The following SPIDR variants were observed in gnomAD, a reference collection of about 807,000 sequenced individuals.
The protein encoded by SPIDR is scaffold protein involved in DNA repair, also known as DNA repair-scaffolding protein.
SPIDR carries 93 observed loss-of-function variants against 104.6 expected under a neutral mutation model. The ratio of observed to expected loss-of-function variants is 0.89; its 90% CI spans 0.75 to 1.06. The LOEUF is 1.06. SPIDR is among the 50% of genes least tolerant of loss of function. The pLI, the probability that SPIDR is intolerant of heterozygous loss-of-function variation, is 0.00. For synonymous variants in SPIDR, 431 were observed against 416.9 expected, an observed-to-expected ratio of 1.03 and a Z score of -0.41; for missense variants, 1,154 against 1,111.2, an observed-to-expected ratio of 1.04 and a Z score of -0.55.
chr8:47,489,404 T>C (rs566985869), intron 8 of SPIDR, among the ~76,000 whole-genome samples: 1 of 152,274 alleles, frequency 6.6e-6, no homozygotes, highest in African/African-American at 2.4e-5. Context: ...GAAGAATCAA[T>C]ATTGGGAAAA....
intron 11 of SPIDR, among the ~76,000 whole-genome samples, chr8:47,695,450 C>G (rs1216435977): frequency 6.6e-6 from 1 of 152,118 alleles, no homozygotes; most frequent in Non-Finnish European, 1.5e-5. Flanking sequence ...GTTATCTTCC[C>G]GTTTTCTGTT....
intron 10 of SPIDR, among the ~76,000 whole-genome samples, chr8:47,626,041 T>C (rs904653503): frequency 6.6e-6 from 1 of 152,054 alleles, no homozygotes; most frequent in Non-Finnish European, 1.5e-5. Context: ...AAAACAGAGA[T>C]ATAGACCAAT....
chr8:47,635,174 T>TA lies in SPIDR; in HGVS notation c.1544+35990dup, dbSNP rs879796915. Reference sequence around the variant, plus strand: ...AACATGGTGAAACCCTGTCTCTACTTAAAAAAAAAAAATACAAAAATTAGC... The same window carrying TA: ...AACATGGTGAAACCCTGTCTCTACTTAAAAAAAAAAAAATACAAAAATTAGC... On this transcript the variant is annotated intron_variant, in intron 10 of 19. Coordinates refer to ENST00000297423, the MANE Select transcript of SPIDR (RefSeq NM_001080394.4). 5.5e-3 allele frequency among the ~76,000 whole-genome samples: 800 copies of TA among 144,202 alleles called. 6 individuals carry two copies. The highest frequency in any genetic ancestry group is 0.033 in the East Asian group (162 of 4,982). The allele number at this position is 144,202 out of a possible 152,430, so 94.6% of individuals were successfully genotyped here.
At chr8:47,297,070 C>A (rs2040979747) in intron 5 of SPIDR, among the ~76,000 whole-genome samples, 1 of 152,134 alleles carries the variant, frequency 6.6e-6, no homozygotes, top group Non-Finnish European at 1.5e-5. Flanking sequence ...GATTTTGTAT[C>A]CTGCAACTTT....
intron 5 of SPIDR, among the ~76,000 whole-genome samples, chr8:47,368,539 A>C (rs1314873512): frequency 6.6e-6 from 1 of 152,050 alleles, no homozygotes; most frequent in African/African-American, 2.4e-5. Flanking sequence ...TGTGGTCTTG[A>C]TGAGACAAGA....
intron 11 of SPIDR, among the ~76,000 whole-genome samples, chr8:47,696,858 G>A (rs1484486794): frequency 6.6e-6 from 1 of 152,230 alleles, no homozygotes; most frequent in Non-Finnish European, 1.5e-5. Context: ...CGTGGAAGGT[G>A]GACAGTGTCC....
At chr8:47,512,511 G>C (rs2082493777) in intron 8 of SPIDR, among the ~76,000 whole-genome samples, 1 of 152,206 alleles carries the variant, frequency 6.6e-6, no homozygotes, top group Admixed American at 6.5e-5. Flanking sequence ...AGCATAACAT[G>C]AAGGAGGTTT....
At chr8:47,702,491 C>G (rs1432306116) in intron 14 of SPIDR, among the ~76,000 whole-genome samples, 1 of 152,140 alleles carries the variant, frequency 6.6e-6, no homozygotes, top group Non-Finnish European at 1.5e-5. Flanking sequence ...ACTGAAAGCC[C>G]CCCCATCCCA....
At chr8:47,284,302 C>G (rs1343249224) in intron 3 of SPIDR, among the ~76,000 whole-genome samples, 2 of 152,180 alleles carry the variant, frequency 1.3e-5, no homozygotes, top group East Asian at 1.9e-4. Flanking sequence ...TCCTGCCTGC[C>G]TACAGATAAC....
At chr8:47,432,649 C>T (rs1385529049) in intron 7 of SPIDR, among the ~76,000 whole-genome samples, 3 of 152,124 alleles carry the variant, frequency 2.0e-5, no homozygotes, top group African/African-American at 7.2e-5. Context: ...GAGTCATGCC[C>T]AGGGAGAAAC....
chr8:47,560,260 A>G (rs1020459118), intron 8 of SPIDR, among the ~76,000 whole-genome samples: 4 of 152,196 alleles, frequency 2.6e-5, no homozygotes, highest in Admixed American at 2.0e-4. Flanking sequence ...CTTTTCCAAT[A>G]TCACTTTCAC....
chr8:47,397,948 G>A (rs558030769), intron 6 of SPIDR, among the ~76,000 whole-genome samples: 20 of 152,234 alleles, frequency 1.3e-4, no homozygotes, highest in African/African-American at 4.8e-4. Flanking sequence ...AAGGAAGGTG[G>A]AGAGGAGAGC....
rs948230350 is a variant in SPIDR at position 47,546,859 on chromosome 8, G to A, written c.1098-48952G>A. On this transcript the variant is annotated intron_variant, in intron 8 of 19. Transcript: ENST00000297423. ...TGTCTCCGTCTTCAGCAATGGTGAG[G>A]CGTATACGTTTCCTCAGGGAAGAGA... The A allele has an allele frequency of 1.3e-5, 5 of 385,688 alleles. No individual in the cohort carries two copies. The Admixed American group carries it at 1.6e-4, about 13-fold the overall frequency. The allele number at this position is 385,688 out of a possible 1,614,324, so 23.9% of individuals were successfully genotyped here.
intron 5 of SPIDR, among the ~76,000 whole-genome samples, chr8:47,343,695 T>G (rs1587366558): frequency 1.3e-5 from 2 of 152,278 alleles, no homozygotes; most frequent in South Asian, 2.1e-4. Context: ...GGCTAAAGTG[T>G]GGAAGGACAT....
chr8:47,529,401 G>A (rs1408128393), intron 8 of SPIDR, among the ~76,000 whole-genome samples: 5 of 151,960 alleles, frequency 3.3e-5, no homozygotes, highest in African/African-American at 7.3e-5. Flanking sequence ...GCAACAGAGC[G>A]AGACTCCATC....
At chr8:47,474,073 G>A (rs989166956) in intron 8 of SPIDR, among the ~76,000 whole-genome samples, 2 of 152,126 alleles carry the variant, frequency 1.3e-5, no homozygotes, top group African/African-American at 2.4e-5. Flanking sequence ...TCACGTAGGC[G>A]AGTTCTCTTT....
At chr8:47,572,673 A>AAAATAAATAAATAAATAAATAAATAAAT (rs56105115) in intron 8 of SPIDR, among the ~76,000 whole-genome samples, 4 of 145,808 alleles carry the variant, frequency 2.7e-5, no homozygotes, top group Non-Finnish European at 6.0e-5. Flanking sequence ...AAATTAAATT[A>AAAATAAATAAATAAATAAATAAATAAAT]AAATAAATAA....
Position 47,637,907 on chromosome 8 carries a change from G to A in SPIDR, c.1545-35894G>A, listed in dbSNP as rs140532578. ...CCCCTTGTTTGATGGTGGAGCAGTT[G>A]TTTGGAATTCCTCTGCATGTGAGAT... On this transcript the variant is annotated intron_variant, in intron 10 of 19. Transcript: ENST00000297423. Among the ~76,000 whole-genome samples, 419 of 152,186 alleles carry A rather than the reference G, an allele frequency of 2.8e-3. 1 individual carries two copies. Among genetic ancestry groups the A allele is most frequent in the African/African-American group, 9.9e-3 (409 of 41,500 alleles).
chr8:47,519,245 A>G (rs2083640525), intron 8 of SPIDR, among the ~76,000 whole-genome samples: 1 of 151,884 alleles, frequency 6.6e-6, no homozygotes, highest in Non-Finnish European at 1.5e-5. Flanking sequence ...CCTGGGTTCA[A>G]GCAATTCTCC....
Sources: allele counts gnomAD v4.1 joint callset (sites outside exome capture counted in the v4.1 genomes callset), GRCh38; gene constraint gnomAD v4.1.1; transcripts MANE v1.5; gene names NCBI Gene and HGNC (gene_info 2026-07-23, HGNC 2026-07-21).